The following MAP2 variants were observed in gnomAD, a reference collection of about 807,000 sequenced individuals.
The protein encoded by MAP2 is microtubule-associated protein 2.
Under a neutral mutation model 137.6 loss-of-function variants are expected in MAP2, and 14 were observed. The ratio of observed to expected loss-of-function variants is 0.10; its 90% CI spans 0.07 to 0.16. MAP2 has a LOEUF of 0.16. Ranked by LOEUF, MAP2 falls within the 10% of genes least tolerant of loss-of-function variation. The probability of loss-of-function intolerance (pLI) is 1.00; values close to 1 mark genes in which losing one functional copy is unlikely to be tolerated. For missense variants in MAP2, 2,088 were observed against 2,191.5 expected (o/e 0.95, Z 0.94); for synonymous variants, 786 against 782.3 (o/e 1.00, Z -0.08).
chr2:209,696,044 A>G lies in MAP2; in HGVS notation c.3874A>G (p.Ile1292Val). Residue 1292 changes from isoleucine to valine, a missense_variant, in exon 8 of 16, where the codon ATC (isoleucine) becomes GTC (valine). Ile to Val is a conservative substitution (Grantham distance 29, BLOSUM62 3). Transcript: ENST00000682079. ...TGTTGTGACCATCGAGGATGATTTC[A>G]TCACTGTAGTGCAAACCACAACTGA... ...ESVVTIEDDF[I>V]TVVQTTTDEG... The G allele has an allele frequency of 3.7e-6, 6 of 1,613,836 alleles. No homozygotes were observed. The highest frequency in any genetic ancestry group is 5.1e-6 in the Non-Finnish European group (6 of 1,179,714).
At position 209,716,578 on chromosome 2, in the gene MAP2, T is replaced by A. The variant is rs182428714; in HGVS notation, c.5073+6324T>A. Among the ~76,000 whole-genome samples the A allele has an allele frequency of 2.4e-3, 359 of 152,340 alleles. 5 individuals carry two copies. The highest frequency in any genetic ancestry group is 2.7e-3 in the Non-Finnish European group (182 of 68,028). The stretch of plus-strand genomic sequence containing the variant: ...AGCTATGATTAGTTTTAGTGTATTT[T>A]ATGTGTGGCTCAAGACCATTCTTTT... On this transcript the variant is annotated intron_variant, in intron 13 of 15. Coordinates refer to ENST00000682079, the MANE Select transcript of MAP2 (RefSeq NM_001375505.1).
At chr2:209,666,308 A>G (rs1039011582) in intron 5 of MAP2, among the ~76,000 whole-genome samples, 1 of 152,122 alleles carries the variant, frequency 6.6e-6, no homozygotes, top group Non-Finnish European at 1.5e-5. Context: ...CTAATTCTTT[A>G]TAAATCCTGA....
intron 3 of MAP2, among the ~76,000 whole-genome samples, chr2:209,621,498 A>G (rs1245016633): frequency 6.6e-6 from 1 of 151,884 alleles, no homozygotes; most frequent in African/African-American, 2.4e-5. Flanking sequence ...ACCTCAGGTG[A>G]TCCACCCTCC....
In MAP2 at chr2:209,727,014, A is replaced by T. The variant is rs565883042; in HGVS notation, c.5155+1224A>T. Reference sequence around the variant, plus strand: ...GCTAGTCAGGAGAAAATTATTAATAAATTATTGGTTGAAAAACAAAGATAG... The same window carrying T: ...GCTAGTCAGGAGAAAATTATTAATATATTATTGGTTGAAAAACAAAGATAG... On this transcript the variant is annotated intron_variant, in intron 14 of 15. Coordinates refer to ENST00000682079, the MANE Select transcript of MAP2 (RefSeq NM_001375505.1). Among the ~76,000 whole-genome samples, 536 of 152,348 alleles carry T rather than the reference A, an allele frequency of 3.5e-3. 6 individuals are homozygous for T. The highest frequency in any genetic ancestry group is 0.012 in the African/African-American group (510 of 41,584).
chr2:209,627,387 C>G (rs905228051), intron 4 of MAP2, among the ~76,000 whole-genome samples: 6 of 152,008 alleles, frequency 3.9e-5, no homozygotes, highest in African/African-American at 1.4e-4. Flanking sequence ...ATTATTTCGT[C>G]AAAGTTGGGG....
At chr2:209,507,431 A>T (rs1399977285) in intron 1 of MAP2, among the ~76,000 whole-genome samples, 161 bp from the exon 2 acceptor site, 2 of 152,112 alleles carry the variant, frequency 1.3e-5, no homozygotes, top group Non-Finnish European at 2.9e-5. Context: ...AAGTTGTATT[A>T]TACATAACCG....
At chr2:209,442,150 T>A (rs916171485) in intron 1 of MAP2, among the ~76,000 whole-genome samples, 1 of 151,658 alleles carries the variant, frequency 6.6e-6, no homozygotes, top group Non-Finnish European at 1.5e-5. Context: ...CAGGGCTACA[T>A]ACATAGAGTA....
chr2:209,491,156 A>T (rs1212462143), intron 1 of MAP2, among the ~76,000 whole-genome samples: 2 of 152,186 alleles, frequency 1.3e-5, no homozygotes, highest in South Asian at 4.1e-4. Flanking sequence ...TCAAAACTGC[A>T]TAACTACAGG....
intron 3 of MAP2, among the ~76,000 whole-genome samples, chr2:209,617,452 G>A (rs13423655): frequency 0.059 from 8,948 of 152,156 alleles, 624 homozygotes; most frequent in South Asian, 0.23. Flanking sequence ...GATACCCAGC[G>A]TGATCAAATG....
chr2:209,542,327 C>T (rs1198697014), intron 2 of MAP2, among the ~76,000 whole-genome samples: 1 of 152,200 alleles, frequency 6.6e-6, no homozygotes. Flanking sequence ...CCATTTACAT[C>T]ATCCAGGTGG....
chr2:209,695,217 A>T lies in MAP2; in HGVS notation c.3047A>T (p.Glu1016Val). The change falls in exon 8 of 16, where the codon GAG (glutamate) becomes GTG (valine). Residue 1016 changes from glutamate to valine, a missense_variant. Physicochemically the swap from Glu to Val is moderately radical, Grantham distance 121 (BLOSUM62 -2). Coordinates refer to ENST00000682079, the MANE Select transcript of MAP2 (RefSeq NM_001375505.1). The part of the protein sequence containing the change: ...IPTDASSEKA[E>V]KGLSSVPEIA... ...ACAGATGCATCCTCTGAGAAAGCAG[A>T]GAAGGGTCTTAGTTCAGTGCCAGAG... 1.2e-6 allele frequency: 2 copies of T among 1,614,180 alleles called. No homozygotes were observed. Among genetic ancestry groups the T allele is most frequent in the Non-Finnish European group, 1.7e-6 (2 of 1,180,030 alleles).
chr2:209,567,377 G>C (rs2073663087), intron 2 of MAP2, among the ~76,000 whole-genome samples: 1 of 151,986 alleles, frequency 6.6e-6, no homozygotes, highest in South Asian at 2.1e-4. Flanking sequence ...ATTACTTTGG[G>C]GTAAAATGGA....
chr2:209,546,185 C>T (rs1488488703), intron 2 of MAP2, among the ~76,000 whole-genome samples: 2 of 151,974 alleles, frequency 1.3e-5, no homozygotes, highest in African/African-American at 4.8e-5. Context: ...GAAATGCACG[C>T]AACTTTTTGT....
chr2:209,585,305 A>G (rs2077432463), intron 3 of MAP2, among the ~76,000 whole-genome samples: 1 of 152,110 alleles, frequency 6.6e-6, no homozygotes, highest in African/African-American at 2.4e-5. Context: ...ATAGAAAACA[A>G]AGTTAAAACT....
chr2:209,501,954 T>G (rs559681077), intron 1 of MAP2, among the ~76,000 whole-genome samples: 1 of 152,258 alleles, frequency 6.6e-6, no homozygotes, highest in African/African-American at 2.4e-5. Context: ...CCCTCAGAAC[T>G]GTGTTTCCAA....
At chr2:209,444,816 T>C (rs1378460148) in intron 1 of MAP2, among the ~76,000 whole-genome samples, 1 of 151,542 alleles carries the variant, frequency 6.6e-6, no homozygotes. Flanking sequence ...AAAGTTCTTA[T>C]CGGGAGCAAT....
At chr2:209,488,389 G>GT (rs1253009307) in intron 1 of MAP2, among the ~76,000 whole-genome samples, 158 of 150,376 alleles carry the variant, frequency 1.1e-3, no homozygotes, top group Non-Finnish European at 1.6e-3. Context: ...AGCTGCAGGA[G>GT]TTTTTTTTTT....
At chr2:209,545,497 A>T (rs2067873127) in intron 2 of MAP2, among the ~76,000 whole-genome samples, 1 of 152,206 alleles carries the variant, frequency 6.6e-6, no homozygotes, top group Admixed American at 6.5e-5. Context: ...TGTGGTAACG[A>T]TGCAGCTGAC....
chr2:209,581,985 A>G (rs746633755), intron 3 of MAP2, among the ~76,000 whole-genome samples: 7 of 152,110 alleles, frequency 4.6e-5, no homozygotes, highest in Non-Finnish European at 1.0e-4. Flanking sequence ...TTTGACTACT[A>G]GAGTCAAATT....
Sources: allele counts gnomAD v4.1 joint callset (sites outside exome capture counted in the v4.1 genomes callset), GRCh38; gene constraint gnomAD v4.1.1; transcripts MANE v1.5; gene names NCBI Gene and HGNC (gene_info 2026-07-23, HGNC 2026-07-21).